PTPN11: variants seen among roughly 807,000 people sequenced by gnomAD.
PTPN11 encodes the protein protein tyrosine phosphatase non-receptor type 11.
PTPN11 carries 6 observed loss-of-function variants against 78.8 expected under a neutral mutation model. The ratio of observed to expected loss-of-function variants is 0.08; its 90% CI spans 0.04 to 0.15. The LOEUF is 0.15. Ranked by LOEUF, PTPN11 falls within the 10% of genes least tolerant of loss-of-function variation. The pLI, the probability that PTPN11 is intolerant of heterozygous loss-of-function variation, is 1.00. For missense variants in PTPN11, 386 were observed against 744.8 expected, an observed-to-expected ratio of 0.52 and a Z score of 5.61; for synonymous variants, 221 against 263.5, an observed-to-expected ratio of 0.84 and a Z score of 1.56.
chr12:112,425,247 T>C (rs1183367336), intron 1 of PTPN11, among the ~76,000 whole-genome samples: 1 of 151,506 alleles, frequency 6.6e-6, no homozygotes, highest in Non-Finnish European at 1.5e-5. Flanking sequence ...TGTTCATCAG[T>C]GGGGGGGGCT....
At position 112,488,467 on chromosome 12, in the gene PTPN11, G is replaced by C. The variant is rs587781130; in HGVS notation, c.1404G>C (p.Thr468=). Residue 468 remains threonine, a synonymous_variant, in exon 12 of 16, where the codon ACG becomes ACC. Coordinates refer to ENST00000351677, the MANE Select transcript of PTPN11 (RefSeq NM_002834.5). ...GTGCTGGAATTGGCCGGACAGGGAC[G>C]TTCATTGTGATTGATATTCTTATTG... The part of the protein sequence containing the change: ...HCSAGIGRTG[T]FIVIDILIDI... The C allele has an allele frequency of 6.2e-7, 1 of 1,613,048 alleles. No homozygotes were observed. The highest frequency in any genetic ancestry group is 1.1e-5 in the South Asian group (1 of 91,060).
At chr12:112,470,972 T>C (rs184704166) in intron 6 of PTPN11, among the ~76,000 whole-genome samples, 1 of 152,148 alleles carries the variant, frequency 6.6e-6, no homozygotes, top group Non-Finnish European at 1.5e-5. Flanking sequence ...CTGCCTTAAC[T>C]CCTTAACCTG....
chr12:112,481,802 C>T (rs537164239), intron 9 of PTPN11, among the ~76,000 whole-genome samples: 17 of 151,580 alleles, frequency 1.1e-4, no homozygotes, highest in Admixed American at 5.9e-4. Flanking sequence ...TGATTCTTTA[C>T]AGATAAACAA....
chr12:112,496,200 CAG>C lies in PTPN11; in HGVS notation c.1600-5943_1600-5942del, dbSNP rs567507033. Among the ~76,000 whole-genome samples, 24 of 152,262 alleles carry C rather than the reference CAG, an allele frequency of 1.6e-4. No individual in the cohort carries two copies. The South Asian group carries it at 4.8e-3, about 30-fold the overall frequency. ...TCTATTTTTCTTGCTCAAATTGTTA[CAG>C]CTTTGGTCACTGGGAGGTTCTTCAG... On this transcript the variant is annotated intron_variant, in intron 13 of 15. Transcript: ENST00000351677.
chr12:112,438,093 G>A (rs1592814534), intron 1 of PTPN11, among the ~76,000 whole-genome samples: 1 of 152,174 alleles, frequency 6.6e-6, no homozygotes, highest in Middle Eastern at 3.4e-3. Flanking sequence ...TGTTTCTGGG[G>A]GTGGTTTTAG....
chr12:112,445,103 A>G (rs1402518169), intron 1 of PTPN11, among the ~76,000 whole-genome samples: 1 of 152,098 alleles, frequency 6.6e-6, no homozygotes, highest in Non-Finnish European at 1.5e-5. Context: ...GCACATACAC[A>G]TACACATACC....
chr12:112,488,427 G>C lies in PTPN11; in HGVS notation c.1380-16G>C, dbSNP rs2038706147. On this transcript the variant is annotated splice_polypyrimidine_tract_variant and intron_variant, in intron 11 of 15. Transcript: ENST00000351677. ...AATGATTCTGTTGTCCCTGCTTTTT[G>C]TCCTTCTGCCCGCAGTGCTGGAATT... 6.2e-7 allele frequency: 1 copy of C among 1,602,352 alleles called. No individual in the cohort carries two copies. Among genetic ancestry groups the C allele is most frequent in the East Asian group, 2.2e-5 (1 of 44,820 alleles).
intron 2 of PTPN11, among the ~76,000 whole-genome samples, chr12:112,446,738 C>G (rs947188615): frequency 1.3e-5 from 2 of 151,306 alleles, no homozygotes; most frequent in Non-Finnish European, 2.9e-5. Context: ...TATTTCTTTT[C>G]AATTTTTTTT....
intron 6 of PTPN11, among the ~76,000 whole-genome samples, chr12:112,465,313 A>G (rs2038309933): frequency 1.3e-5 from 2 of 152,172 alleles, no homozygotes; most frequent in Middle Eastern, 6.8e-3. Context: ...GGGTGCCTGT[A>G]ATACCAGCTA....
intron 15 of PTPN11, 69 bp from the exon 16 acceptor site, chr12:112,505,756 A>G (rs1002518226): frequency 6.6e-6 from 1 of 152,168 alleles, no homozygotes; most frequent in Non-Finnish European, 1.5e-5. Context: ...CTACCTTAAA[A>G]TCACCTAATG....
At chr12:112,476,261 C>G (rs1025563116) in intron 7 of PTPN11, among the ~76,000 whole-genome samples, 8 of 152,144 alleles carry the variant, frequency 5.3e-5, no homozygotes, top group African/African-American at 1.9e-4. Context: ...CAGATGTTTC[C>G]TCTGATGAAC....
chr12:112,490,540 C>T (rs921988826), intron 13 of PTPN11, among the ~76,000 whole-genome samples: 27 of 152,142 alleles, frequency 1.8e-4, no homozygotes, highest in African/African-American at 6.5e-4. Context: ...TTCCTAGGCT[C>T]AAGCAGTGCT....
intron 7 of PTPN11, among the ~76,000 whole-genome samples, chr12:112,474,409 G>A (rs576391891): frequency 6.6e-6 from 1 of 151,530 alleles, no homozygotes; most frequent in Non-Finnish European, 1.5e-5. Flanking sequence ...TCTAGGGCGG[G>A]GTCTCCCTAT....
chr12:112,421,776 A>C (rs1313394184), intron 1 of PTPN11, among the ~76,000 whole-genome samples: 2 of 151,964 alleles, frequency 1.3e-5, no homozygotes, highest in Non-Finnish European at 2.9e-5. Context: ...ACAGGTGTGC[A>C]CCACCACACC....
At chr12:112,459,032 C>CAAA (rs1290018033) in intron 6 of PTPN11, among the ~76,000 whole-genome samples, 2 of 63,256 alleles carry the variant, frequency 3.2e-5, no homozygotes, top group Non-Finnish European at 4.8e-5. Flanking sequence ...GAACCTGTCC[C>CAAA]AAAAAAAAAA....
chr12:112,464,234 G>T (rs1271731956), intron 6 of PTPN11, among the ~76,000 whole-genome samples: 6 of 152,190 alleles, frequency 3.9e-5, no homozygotes, highest in Admixed American at 3.9e-4. Flanking sequence ...CTATCCAGAA[G>T]ACGTTACTTT....
intron 6 of PTPN11, among the ~76,000 whole-genome samples, chr12:112,461,760 A>G (rs1200693191): frequency 2.0e-5 from 3 of 152,168 alleles, no homozygotes; most frequent in Non-Finnish European, 4.4e-5. Flanking sequence ...ACTACAGGCA[A>G]GAGCCAATGA....
At chr12:112,481,335 A>C (rs1174018764) in intron 9 of PTPN11, among the ~76,000 whole-genome samples, 2 of 152,136 alleles carry the variant, frequency 1.3e-5, no homozygotes, top group East Asian at 3.8e-4. Context: ...CAGCACTCTC[A>C]CATTGGTTGG....
chr12:112,471,409 G>A (rs1397458220), intron 6 of PTPN11, among the ~76,000 whole-genome samples: 1 of 131,076 alleles, frequency 7.6e-6, no homozygotes, highest in Non-Finnish European at 1.6e-5. Context: ...ATCTTGTTTT[G>A]CCACACAGGC....
Sources: allele counts gnomAD v4.1 joint callset (sites outside exome capture counted in the v4.1 genomes callset), GRCh38; gene constraint gnomAD v4.1.1; transcripts MANE v1.5; gene names NCBI Gene and HGNC (gene_info 2026-07-23, HGNC 2026-07-21).